The following RIOX2 variants were observed in gnomAD, a reference collection of about 807,000 sequenced individuals.
RIOX2 encodes 60S ribosomal protein L27a histidine hydroxylase.
In RIOX2, 43 loss-of-function variants were observed where a neutral mutation model predicts 51.2. The observed-to-expected ratio is 0.84, with a 90% CI of 0.66 to 1.08. RIOX2 has a LOEUF of 1.08. RIOX2 is among the 50% of genes least tolerant of loss of function. The pLI, the probability that RIOX2 is intolerant of heterozygous loss-of-function variation, is 0.00. For missense variants in RIOX2, 566 were observed against 561.7 expected (o/e 1.01, Z -0.08); for synonymous variants, 226 against 218.5 (o/e 1.03, Z -0.30).
At chr3:97,957,530 C>T (rs1163532859) in intron 4 of RIOX2, among the ~76,000 whole-genome samples, 1 of 150,210 alleles carries the variant, frequency 6.7e-6, no homozygotes, top group Non-Finnish European at 1.5e-5. Flanking sequence ...TGCACATACA[C>T]ATACACACTT....
chr3:97,963,552 A>C (rs1705761897), intron 2 of RIOX2, among the ~76,000 whole-genome samples: 1 of 152,196 alleles, frequency 6.6e-6, no homozygotes, highest in African/African-American at 2.4e-5. Flanking sequence ...AAAGGGCCTA[A>C]TCTATTTCAG....
At chr3:97,971,675 C>T (rs1017341797) in intron 1 of RIOX2, 3 of 152,192 alleles carry the variant, frequency 2.0e-5, no homozygotes, top group African/African-American at 7.2e-5. Flanking sequence ...CTGAGTAAAT[C>T]AGGTTCCTCT....
At chr3:97,948,229 TATG>T (rs1179684414) in intron 7 of RIOX2, among the ~76,000 whole-genome samples, 26 of 152,298 alleles carry the variant, frequency 1.7e-4, no homozygotes, top group African/African-American at 6.0e-4. Flanking sequence ...CTCCAAAGAC[TATG>T]ATAAAAATGT....
chr3:97,972,416 T>A lies in RIOX2; in HGVS notation c.-75A>T, dbSNP rs1216199164. On this transcript the variant is annotated 5_prime_UTR_variant, in exon 1 of 10. Transcript: ENST00000394198. ...CTGTTGCTCGCGGCCGCGAGCCCAC[T>A]GCGTTGCGGCGCAGCGGCTGGAGGC... 1 of 150,372 alleles carries A rather than the reference T, an allele frequency of 6.7e-6. No homozygotes were observed. The highest frequency in any genetic ancestry group is 1.5e-5 in the Non-Finnish European group (1 of 67,508). 9.3% of individuals were successfully genotyped at this position (150,372 alleles called of 1,614,324 possible). A position where few individuals can be genotyped will look rare whatever the true frequency, so the allele number is the denominator to read the frequency against.
At chr3:97,946,663 T>C (rs1262399648) in intron 8 of RIOX2, among the ~76,000 whole-genome samples, 17 of 149,770 alleles carry the variant, frequency 1.1e-4, no homozygotes. Context: ...GCTGGAACAA[T>C]CTGGTTATCG....
intron 1 of RIOX2, chr3:97,971,840 T>C (rs1706145512): frequency 6.6e-6 from 1 of 152,304 alleles, no homozygotes; most frequent in Non-Finnish European, 1.5e-5. Flanking sequence ...TGTCGGCCAA[T>C]CGTTGCGGAA....
At chr3:97,953,939 CA>C (rs1705359679) in intron 5 of RIOX2, 1 of 158,708 alleles carries the variant, frequency 6.3e-6, no homozygotes, top group Non-Finnish European at 1.4e-5. Context: ...TTGGAATAAA[CA>C]TGTTTTAGAA....
chr3:97,959,735 A>G (rs1705605065), intron 3 of RIOX2, among the ~76,000 whole-genome samples: 1 of 152,220 alleles, frequency 6.6e-6, no homozygotes, highest in South Asian at 2.1e-4. Flanking sequence ...CAAAAGAATT[A>G]AGAATGTCAT....
chr3:97,959,643 G>A (rs900845763), intron 3 of RIOX2, among the ~76,000 whole-genome samples: 2 of 152,086 alleles, frequency 1.3e-5, no homozygotes, highest in East Asian at 1.9e-4. Context: ...GTGCAGGTCC[G>A]CTTATATGCT....
chr3:97,960,010 G>A (rs751111043), intron 3 of RIOX2, among the ~76,000 whole-genome samples: 5 of 152,188 alleles, frequency 3.3e-5, no homozygotes, highest in Non-Finnish European at 7.3e-5. Flanking sequence ...CAAGTGTGAT[G>A]CTAATTATCT....
chr3:97,947,269 A>G, intron 8 of RIOX2, 92 bp downstream of exon 8: 1 of 921,988 alleles, frequency 1.1e-6, no homozygotes, highest in Non-Finnish European at 1.7e-6. Flanking sequence ...TTCCTAAAGA[A>G]GGGCAGAGAC....
chr3:97,947,852 T>C (rs1215331364), intron 7 of RIOX2, among the ~76,000 whole-genome samples: 1 of 152,190 alleles, frequency 6.6e-6, no homozygotes, highest in Non-Finnish European at 1.5e-5. Context: ...AGTTCAAAAT[T>C]GCACTACTCC....
chr3:97,942,474 C>T lies in RIOX2; in HGVS notation c.*2710G>A. 1 of 1,559,384 alleles carries T rather than the reference C, an allele frequency of 6.4e-7. No homozygotes were observed. Among genetic ancestry groups the T allele is most frequent in the Non-Finnish European group, 8.7e-7 (1 of 1,147,212 alleles). The stretch of plus-strand genomic sequence containing the variant: ...CCTTTGATGATACCCAATGTTGTGT[C>T]CCTGGATATTAGTTTCAGTTCCAAA... On this transcript the variant is annotated 3_prime_UTR_variant, in exon 10 of 10. Coordinates refer to ENST00000394198, the MANE Select transcript of RIOX2 (RefSeq NM_153182.4).
At position 97,942,088 on chromosome 3, in the gene RIOX2, C is replaced by T. The variant is rs900580942; in HGVS notation, c.*3096G>A. 1.5e-5 allele frequency: 6 copies of T among 390,678 alleles called. No homozygotes were observed. Among genetic ancestry groups the T allele is most frequent in the Admixed American group, 4.3e-5 (1 of 23,246 alleles). 24.2% of individuals were successfully genotyped at this position (390,678 alleles called of 1,614,324 possible). ...TACCTCTATTTCAGTTGGTTTATTT[C>T]TGTACCATCTCCTACCCACAGCCGT... On this transcript the variant is annotated 3_prime_UTR_variant, in exon 10 of 10. Coordinates refer to ENST00000394198, the MANE Select transcript of RIOX2 (RefSeq NM_153182.4).
chr3:97,969,195 ACAGGAGAGGGGTAAAG>A (rs764326134), intron 1 of RIOX2, among the ~76,000 whole-genome samples: 9 of 152,196 alleles, frequency 5.9e-5, no homozygotes, highest in Non-Finnish European at 1.3e-4. Flanking sequence ...AACTGATACT[ACAGGAGAGGGGTAAAG>A]CTTGAAGCTT....
Position 97,959,043 on chromosome 3 carries a change from T to C in RIOX2, c.681+8A>G. On this transcript the variant is annotated splice_region_variant and intron_variant, in intron 4 of 9. Transcript: ENST00000394198. ...AACAATGAGGTGCCCACAACGGTTA[T>C]CACATACCTTCAGCATAAACTCATG... is the stretch of plus-strand genomic sequence containing the variant. The C allele has an allele frequency of 6.2e-7, 1 of 1,606,758 alleles. No individual in the cohort carries two copies. The highest frequency in any genetic ancestry group is 8.5e-7 in the Non-Finnish European group (1 of 1,176,342).
At chr3:97,952,124 G>A in intron 5 of RIOX2, 2 of 1,205,228 alleles carry the variant, frequency 1.7e-6, no homozygotes, top group African/African-American at 1.6e-5. Flanking sequence ...ACCTTGACAG[G>A]TGTTAGGAAG....
chr3:97,967,492 G>A lies in RIOX2; in HGVS notation c.102C>T (p.Asn34=). The change falls in exon 2 of 10, where the codon AAC becomes AAT. Residue 34 remains asparagine, a synonymous_variant. Coordinates refer to ENST00000394198, the MANE Select transcript of RIOX2 (RefSeq NM_153182.4). ...LEAAGGPSAL[N]FDSPSSLFES... ...CAAAGAGACTACTGGGACTGTCAAA[G>A]TTTAAAGCTGAAGGCCCCCCAGCTG... The A allele has an allele frequency of 6.2e-7, 1 of 1,614,168 alleles. No individual in the cohort carries two copies. Among genetic ancestry groups the A allele is most frequent in the South Asian group, 1.1e-5 (1 of 91,078 alleles).
At chr3:97,964,957 A>G (rs1301855643) in intron 2 of RIOX2, among the ~76,000 whole-genome samples, 2 of 152,014 alleles carry the variant, frequency 1.3e-5, no homozygotes, top group African/African-American at 4.8e-5. Context: ...TAAACTAACT[A>G]TACTAATAAG....
Sources: allele counts gnomAD v4.1 joint callset (sites outside exome capture counted in the v4.1 genomes callset), GRCh38; gene constraint gnomAD v4.1.1; transcripts MANE v1.5; gene names NCBI Gene and HGNC (gene_info 2026-07-23, HGNC 2026-07-21).